TBC1D14: variants seen among roughly 807,000 people sequenced by gnomAD.
TBC1D14 encodes the protein TBC1 domain family, member 14.
Under a neutral mutation model 79.0 loss-of-function variants are expected in TBC1D14, and 26 were observed. That is an observed-to-expected ratio of 0.33 (90% confidence interval 0.24 to 0.46). TBC1D14 has a LOEUF of 0.46. TBC1D14 is among the 20% of genes least tolerant of loss of function. The pLI is 1.00. For missense variants in TBC1D14, 769 were observed against 887.6 expected (o/e 0.87, Z 1.70); for synonymous variants, 394 against 349.9 (o/e 1.13, Z -1.40).
At chr4:6,909,650 G>C (rs1443773945), upstream of TBC1D14, 1 of 151,746 alleles carries the variant, frequency 6.6e-6, no homozygotes, top group Non-Finnish European at 1.5e-5. Flanking sequence ...GGCGGCCCCC[G>C]GAAGAGGGAC....
At chr4:6,919,055 G>A (rs1353028733) in intron 1 of TBC1D14, among the ~76,000 whole-genome samples, 1 of 152,192 alleles carries the variant, frequency 6.6e-6, no homozygotes, top group Non-Finnish European at 1.5e-5. Flanking sequence ...TTCACGCGTA[G>A]GGAGGCGATG....
intron 2 of TBC1D14, among the ~76,000 whole-genome samples, chr4:6,959,394 A>T (rs1714975514): frequency 6.6e-6 from 1 of 152,120 alleles, no homozygotes; most frequent in Non-Finnish European, 1.5e-5. Context: ...GCCAAGAGAT[A>T]AAGTCAAGGG....
intron 2 of TBC1D14, among the ~76,000 whole-genome samples, chr4:6,947,414 C>T (rs1292097128): frequency 1.3e-5 from 2 of 151,740 alleles, no homozygotes; most frequent in African/African-American, 2.4e-5. Context: ...AGGAGAGTGG[C>T]GTGAACCCGG....
chr4:7,025,379 G>A, intron 13 of TBC1D14, 117 bp downstream of exon 13: 1 of 1,485,696 alleles, frequency 6.7e-7, no homozygotes, highest in Non-Finnish European at 9.0e-7. Flanking sequence ...GAGTCCCTGG[G>A]CTGGAACTGA....
intron 3 of TBC1D14, among the ~76,000 whole-genome samples, chr4:6,968,299 C>T (rs143488048): frequency 3.0e-4 from 46 of 152,172 alleles, no homozygotes; most frequent in African/African-American, 1.0e-3. Context: ...CCAGGGCAGG[C>T]GCAGGAGGAG....
At chr4:6,975,777 G>C (rs1319156042) in intron 3 of TBC1D14, among the ~76,000 whole-genome samples, 3 of 152,128 alleles carry the variant, frequency 2.0e-5, no homozygotes, top group African/African-American at 7.2e-5. Flanking sequence ...AAAGAGTGAA[G>C]GAATTTTAAG....
chr4:6,963,554 C>T (rs1715437029), intron 2 of TBC1D14, among the ~76,000 whole-genome samples: 1 of 152,194 alleles, frequency 6.6e-6, no homozygotes, highest in African/African-American at 2.4e-5. Context: ...CTTGGCTCCC[C>T]CTTGGCCTCC....
At chr4:7,016,607 G>C (rs1023223920) in intron 12 of TBC1D14, among the ~76,000 whole-genome samples, 17 of 152,224 alleles carry the variant, frequency 1.1e-4, no homozygotes, top group Non-Finnish European at 2.2e-4. Flanking sequence ...AAAAGGAAAT[G>C]TGTTTTAAAT....
At chr4:6,946,488 T>G (rs1713476242) in intron 2 of TBC1D14, among the ~76,000 whole-genome samples, 2 of 151,970 alleles carry the variant, frequency 1.3e-5, no homozygotes, top group African/African-American at 4.8e-5. Flanking sequence ...CCCAGCTAAT[T>G]TTTGTATTAT....
chr4:7,006,815 G>C (rs766287244), intron 9 of TBC1D14, 89 bp downstream of exon 9: 5 of 1,308,576 alleles, frequency 3.8e-6, no homozygotes, highest in Non-Finnish European at 5.3e-6. Context: ...AAGTTTGAAA[G>C]GTACTTGGGT....
intron 3 of TBC1D14, among the ~76,000 whole-genome samples, chr4:6,987,803 A>C (rs886969398): frequency 1.3e-5 from 2 of 152,234 alleles, no homozygotes; most frequent in Non-Finnish European, 2.9e-5. Flanking sequence ...AGGTTGCAAC[A>C]GCAACCGGGC....
intron 11 of TBC1D14, 26 bp from the exon 12 acceptor site, chr4:7,014,422 G>A: frequency 6.7e-7 from 1 of 1,500,304 alleles, no homozygotes; most frequent in East Asian, 2.3e-5. Flanking sequence ...GATAGTTTCT[G>A]AGTAAATTTC....
intron 1 of TBC1D14, among the ~76,000 whole-genome samples, chr4:6,918,810 A>G (rs185954526): frequency 6.6e-6 from 1 of 152,350 alleles, no homozygotes; most frequent in East Asian, 1.9e-4. Context: ...ACTGTGTGCT[A>G]AAAATGTTTC....
chr4:6,974,187 C>T (rs1440604269), intron 3 of TBC1D14, among the ~76,000 whole-genome samples: 1 of 152,190 alleles, frequency 6.6e-6, no homozygotes, highest in Non-Finnish European at 1.5e-5. Context: ...CCCCAGCCCT[C>T]AGGCATTCTT....
intron 1 of TBC1D14, among the ~76,000 whole-genome samples, chr4:6,911,985 A>G (rs1054351017): frequency 3.3e-5 from 5 of 152,180 alleles, no homozygotes; most frequent in African/African-American, 7.2e-5. Flanking sequence ...GGGTCATGGT[A>G]TATTGTCCAG....
chr4:6,976,041 C>A (rs992385213), intron 3 of TBC1D14, among the ~76,000 whole-genome samples: 3 of 152,140 alleles, frequency 2.0e-5, no homozygotes, highest in African/African-American at 7.2e-5. Flanking sequence ...TGCAGTGAGC[C>A]GAGATCGTGC....
intron 2 of TBC1D14, among the ~76,000 whole-genome samples, chr4:6,925,725 A>T (rs1724238969): frequency 6.6e-6 from 1 of 152,020 alleles, no homozygotes; most frequent in African/African-American, 2.4e-5. Flanking sequence ...TTTGGGGGAG[A>T]TCTTGTCACT....
At chr4:6,942,000 C>T (rs1390042622) in intron 2 of TBC1D14, among the ~76,000 whole-genome samples, 2 of 152,208 alleles carry the variant, frequency 1.3e-5, no homozygotes, top group Non-Finnish European at 2.9e-5. Context: ...TTGAGAAACC[C>T]ATGGGCAAGC....
intron 13 of TBC1D14, among the ~76,000 whole-genome samples, chr4:7,027,085 C>A (rs944739221): frequency 6.6e-6 from 1 of 151,980 alleles, no homozygotes; most frequent in Non-Finnish European, 1.5e-5. Context: ...TTGGCAGGCT[C>A]CTGCAATCCC....
Sources: gnomAD v4.1 joint callset for allele counts (sites outside exome capture counted in the v4.1 genomes callset) on GRCh38, gnomAD v4.1.1 for gene constraint, MANE v1.5 for transcripts, NCBI Gene and HGNC (gene_info 2026-07-23, HGNC 2026-07-21) for gene names.